NRP2: variants seen among roughly 807,000 people sequenced by gnomAD.
NRP2 encodes the protein neuropilin 2, also known as neuropilin-2.
In NRP2, 52 loss-of-function variants were observed where a neutral mutation model predicts 110.4. That is an observed-to-expected ratio of 0.47 (90% confidence interval 0.38 to 0.59). The LOEUF (loss-of-function observed/expected upper bound fraction) is 0.59, where lower values mean the gene tolerates loss of function less well. Among genes scored for constraint, NRP2 ranks in the 20% least tolerant of loss-of-function variants. The pLI is 0.00. For missense variants in NRP2, 1,049 were observed against 1,203.0 expected (o/e 0.87, Z 1.89); for synonymous variants, 508 against 468.9 (o/e 1.08, Z -1.08).
chr2:205,686,460 A>G lies in NRP2; in HGVS notation c.73+3097A>G, dbSNP rs2056166427. 6.6e-6 allele frequency among the ~76,000 whole-genome samples: 1 copy of G among 152,206 alleles called. No individual in the cohort carries two copies. Among genetic ancestry groups the G allele is most frequent in the Non-Finnish European group, 1.5e-5 (1 of 68,044 alleles). ...ATTTTCACTGATTGATTTCTTTTTA[A>G]TATCAACACAAGTTAATGGAGGCAA... is the stretch of plus-strand genomic sequence containing the variant. On this transcript the variant is annotated intron_variant, in intron 1 of 16. Coordinates refer to ENST00000357785, the MANE Select transcript of NRP2 (RefSeq NM_003872.3). This position sits in a 1 kb window ranked among gnomAD's most constrained non-coding sequence, Gnocchi z 4.7.
chr2:205,723,823 C>T lies in NRP2; in HGVS notation c.703C>T (p.Pro235Ser). The T allele has an allele frequency of 6.2e-7, 1 of 1,614,208 alleles. No individual in the cohort carries two copies. The highest frequency in any genetic ancestry group is 8.5e-7 in the Non-Finnish European group (1 of 1,180,042). The part of the protein sequence containing the change: ...LIGKYCGTKT[P>S]SELRSSTGIL... ...TGGCAAGTACTGTGGGACCAAAACA[C>T]CCTCTGAACTTCGTTCATCGACGGG... Residue 235 changes from proline (P) to serine (S), a missense_variant, in exon 5 of 17, where the codon CCC becomes TCC. Coordinates refer to ENST00000357785, the MANE Select transcript of NRP2 (RefSeq NM_003872.3).
chr2:205,683,555 AGTGTGTGTGTGT>A lies in NRP2; in HGVS notation c.73+212_73+223del, dbSNP rs60199072. ...AACCCAACTTTCCTCTCCTGCTAGG[AGTGTGTGTGTGT>A]GTGTGTGTGTGTGTGTGTGAGTGTG... On this transcript the variant is annotated intron_variant, in intron 1 of 16. Transcript: ENST00000357785. 3.3e-3 allele frequency among the ~76,000 whole-genome samples: 496 copies of A among 150,126 alleles called. 6 individuals carry two copies. The highest frequency in any genetic ancestry group is 6.9e-3 in the Middle Eastern group (2 of 288).
chr2:205,748,770 A>G (rs2057586876), intron 10 of NRP2, among the ~76,000 whole-genome samples: 1 of 152,120 alleles, frequency 6.6e-6, no homozygotes, highest in Non-Finnish European at 1.5e-5. Context: ...CCCAAAACAC[A>G]TGGACTTGAG....
intron 12 of NRP2, chr2:205,756,886 A>T (rs1283552846): frequency 6.6e-6 from 1 of 152,248 alleles, no homozygotes; most frequent in East Asian, 1.9e-4. Flanking sequence ...TGTAGGAACT[A>T]TTGCGATTAA....
intron 6 of NRP2, among the ~76,000 whole-genome samples, chr2:205,726,325 T>C (rs994762881): frequency 2.6e-5 from 4 of 152,190 alleles, no homozygotes; most frequent in South Asian, 2.1e-4. Context: ...GAGAAGTTGT[T>C]TGGCCAGGAT....
chr2:205,791,818 A>T (rs1329318648), intron 15 of NRP2, among the ~76,000 whole-genome samples: 1 of 152,222 alleles, frequency 6.6e-6, no homozygotes, highest in African/African-American at 2.4e-5. Context: ...AAAGACTCTG[A>T]TGCTTTTGTG....
chr2:205,780,038 C>A (rs954866068), intron 15 of NRP2, among the ~76,000 whole-genome samples: 1 of 152,174 alleles, frequency 6.6e-6, no homozygotes, highest in African/African-American at 2.4e-5. Context: ...AGATTAGATT[C>A]TACTTTCAAA....
intron 2 of NRP2, 31 bp downstream of exon 2, chr2:205,697,752 C>T (rs377014697): frequency 6.3e-4 from 1,020 of 1,608,000 alleles, no homozygotes; most frequent in Non-Finnish European, 8.3e-4. Flanking sequence ...CTGTGTATCC[C>T]ATCCATGAGA....
chr2:205,772,677 C>T (rs1352029461), intron 15 of NRP2, among the ~76,000 whole-genome samples: 2 of 152,170 alleles, frequency 1.3e-5, no homozygotes, highest in African/African-American at 4.8e-5. Context: ...ACAGATCAAC[C>T]AACTCCAGGC....
intron 15 of NRP2, chr2:205,767,970 G>C (rs756307455): frequency 6.6e-6 from 1 of 152,216 alleles, no homozygotes; most frequent in Non-Finnish European, 1.5e-5. Flanking sequence ...GTCCAGCTCT[G>C]GGCTAGAAAG....
intron 7 of NRP2, chr2:205,739,981 G>T (rs564641094): frequency 3.0e-5 from 7 of 236,652 alleles, no homozygotes; most frequent in Non-Finnish European, 5.8e-5. Context: ...TTGACACAGG[G>T]CCATTGTAGG....
At chr2:205,761,891 G>A (rs750593386) in intron 12 of NRP2, 1 of 152,202 alleles carries the variant, frequency 6.6e-6, no homozygotes, top group Non-Finnish European at 1.5e-5. Flanking sequence ...ATATAGAAAG[G>A]ATGACATGAA....
intron 12 of NRP2, among the ~76,000 whole-genome samples, chr2:205,758,735 C>A (rs1339340965): frequency 6.6e-6 from 1 of 152,200 alleles, no homozygotes; most frequent in Non-Finnish European, 1.5e-5. Flanking sequence ...CAATCTCTTT[C>A]AGCAATGGAA....
chr2:205,769,505 TACACACACACACAC>T (rs56837273), intron 15 of NRP2, among the ~76,000 whole-genome samples: 9 of 145,214 alleles, frequency 6.2e-5, no homozygotes, highest in Admixed American at 1.4e-4. Flanking sequence ...TATACATACA[TACACACACACACAC>T]ACACACACAC....
chr2:205,758,452 A>G (rs1418253734), intron 12 of NRP2, among the ~76,000 whole-genome samples: 5 of 152,194 alleles, frequency 3.3e-5, no homozygotes, highest in Admixed American at 1.3e-4. Context: ...TGTTCACATG[A>G]CACTTAAGCA....
In NRP2 at chr2:205,743,240, C is replaced by T. The variant is rs763246719; in HGVS notation, c.1329C>T (p.Gly443=). 6 of 1,613,814 alleles carry T rather than the reference C, an allele frequency of 3.7e-6. No individual in the cohort carries two copies. Among genetic ancestry groups the T allele is most frequent in the African/African-American group, 1.3e-5 (1 of 74,940 alleles). ...PCSNMLGMLS[G]LIADSQISAS... The stretch of plus-strand genomic sequence containing the variant: ...CCAACATGCTGGGGATGCTCTCAGG[C>T]CTCATTGCAGACTCCCAGATCTCCG... The change falls in exon 9 of 17, where the codon GGC becomes GGT. Residue 443 remains glycine, a synonymous_variant. Coordinates refer to ENST00000357785, the MANE Select transcript of NRP2 (RefSeq NM_003872.3).
rs2056463435 is a variant in NRP2, at chr2:205,697,695, C to T, written c.225C>T (p.His75=). The change falls in exon 2 of 17, where the codon CAC becomes CAT. Residue 75 remains histidine, a synonymous_variant. Transcript: ENST00000357785. ...AGATTGTCCTCAACTTCAACCCTCA[C>T]TTTGAAATCGAGAAGCACGACTGCA... ...NQKIVLNFNP[H]FEIEKHDCKY... 2 of 1,613,946 alleles carry T rather than the reference C, an allele frequency of 1.2e-6. No homozygotes were observed. Among genetic ancestry groups the T allele is most frequent in the African/African-American group, 2.7e-5 (2 of 74,880 alleles).
At chr2:205,793,873 T>C (rs1181819527) in intron 16 of NRP2, among the ~76,000 whole-genome samples, 1 of 152,096 alleles carries the variant, frequency 6.6e-6, no homozygotes, top group Non-Finnish European at 1.5e-5. Flanking sequence ...CACGATGCCT[T>C]ATTATTAAAG....
rs762974463 is a variant in NRP2, at chr2:205,763,681, G to T, written c.2052G>T (p.Arg684Ser). The change falls in exon 13 of 17, where the codon AGG becomes AGT. Residue 684 changes from arginine to serine, a missense_variant. Coordinates refer to ENST00000357785, the MANE Select transcript of NRP2 (RefSeq NM_003872.3). The surrounding 1 kb of genome is among the most constrained non-coding windows in gnomAD (Gnocchi z 4.0). ...TGGGTTTGTTTCTGCCAGATGACAG[G>T]AATTTCTTGCGGCTGCAGAGTGACA... ...SPNDRTFPDD[R>S]NFLRLQSDSQ... The T allele has an allele frequency of 1.2e-6, 2 of 1,614,212 alleles. No homozygotes were observed. The highest frequency in any genetic ancestry group is 1.7e-6 in the Non-Finnish European group (2 of 1,180,050).
Sources: allele counts gnomAD v4.1 joint callset (sites outside exome capture counted in the v4.1 genomes callset), GRCh38; gene constraint gnomAD v4.1.1; non-coding constraint Gnocchi (gnomAD v3.1); transcripts MANE v1.5; gene names NCBI Gene and HGNC (gene_info 2026-07-23, HGNC 2026-07-21).